The following SLC49A4 variants were observed in gnomAD, a reference collection of about 807,000 sequenced individuals.
The protein encoded by SLC49A4 is solute carrier family 49 member 4, also known as disrupted in renal cancer protein 2.
A neutral mutation model predicts 50.6 loss-of-function variants in SLC49A4; 36 were observed. That is an observed-to-expected ratio of 0.71 (90% CI 0.55 to 0.94). The LOEUF is 0.94. Among genes scored for constraint, SLC49A4 ranks in the 40% least tolerant of loss-of-function variants. The pLI is 0.00. For missense variants in SLC49A4, 503 were observed against 605.7 expected (o/e 0.83, Z 1.78); for synonymous variants, 248 against 241.2 (o/e 1.03, Z -0.26).
intron 7 of SLC49A4, among the ~76,000 whole-genome samples, chr3:122,862,353 A>T (rs563231307): frequency 6.6e-6 from 1 of 152,196 alleles, no homozygotes; most frequent in Non-Finnish European, 1.5e-5. Flanking sequence ...CCTGTTCTAC[A>T]CCATCCTGCC....
rs1937322383 is a variant in SLC49A4 at position 122,880,433 on chromosome 3, A to C, written c.*1055A>C. 1 of 152,256 alleles carries C rather than the reference A, an allele frequency of 6.6e-6. No individual in the cohort carries two copies. Among genetic ancestry groups the C allele is most frequent in the African/African-American group, 2.4e-5 (1 of 41,444 alleles). The allele number at this position is 152,256 out of a possible 1,614,324, so 9.4% of individuals were successfully genotyped here. A position where few individuals can be genotyped will look rare whatever the true frequency, so the allele number is the denominator to read the frequency against. Reference sequence around the variant, plus strand: ...TTGCCAGTACCTATCTTCTTTCTACAGAAGATAGCTTTTTAAGAAATAAGA... The same window carrying C: ...TTGCCAGTACCTATCTTCTTTCTACCGAAGATAGCTTTTTAAGAAATAAGA... On this transcript the variant is annotated 3_prime_UTR_variant, in exon 9 of 9. Coordinates refer to ENST00000261038, the MANE Select transcript of SLC49A4 (RefSeq NM_032839.3).
intron 7 of SLC49A4, among the ~76,000 whole-genome samples, chr3:122,871,164 T>C (rs567997359): frequency 6.6e-6 from 1 of 152,354 alleles, no homozygotes; most frequent in South Asian, 2.1e-4. Context: ...TCTTTTGTTA[T>C]CTATTTCCAT....
intron 2 of SLC49A4, among the ~76,000 whole-genome samples, chr3:122,817,089 TAAAC>T (rs1230282843): frequency 2.0e-5 from 3 of 152,172 alleles, no homozygotes; most frequent in East Asian, 1.9e-4. Flanking sequence ...TAAATTCAAA[TAAAC>T]AAAATGGTTA....
intron 3 of SLC49A4, among the ~76,000 whole-genome samples, chr3:122,831,384 G>C (rs1285506010): frequency 6.6e-6 from 1 of 152,110 alleles, no homozygotes; most frequent in African/African-American, 2.4e-5. Context: ...CTACTGATAA[G>C]TGGATGAACA....
intron 2 of SLC49A4, among the ~76,000 whole-genome samples, chr3:122,824,090 C>T (rs1936490855): frequency 6.6e-6 from 1 of 152,178 alleles, no homozygotes; most frequent in African/African-American, 2.4e-5. Context: ...CAGAGGATAA[C>T]TAGTTCTCCT....
intron 7 of SLC49A4, among the ~76,000 whole-genome samples, chr3:122,870,086 TTGTC>T (rs1464249830): frequency 1.3e-5 from 2 of 152,340 alleles, no homozygotes; most frequent in Admixed American, 1.3e-4. Flanking sequence ...ACATTTTAAT[TTGTC>T]TGATTACAAA....
intron 2 of SLC49A4, among the ~76,000 whole-genome samples, chr3:122,823,010 G>C (rs758889366): frequency 1.3e-5 from 2 of 152,134 alleles, no homozygotes; most frequent in Non-Finnish European, 2.9e-5. Context: ...CCATGCCATA[G>C]AGTCCCTGTC....
At position 122,840,604 on chromosome 3, in the gene SLC49A4, A is replaced by C. The variant is rs114489862; in HGVS notation, c.834-5159A>C. ...ATTTTAACATGTAATCAATATTAAA[A>C]CTTATTAATGAGATATGTTATTCAT... On this transcript the variant is annotated intron_variant, in intron 4 of 8. Coordinates refer to ENST00000261038, the MANE Select transcript of SLC49A4 (RefSeq NM_032839.3). Among the ~76,000 whole-genome samples the C allele has an allele frequency of 7.4e-3, 1,127 of 152,244 alleles. 13 individuals are homozygous for C. The highest frequency in any genetic ancestry group is 0.026 in the African/African-American group (1,065 of 41,552).
chr3:122,795,104 C>T lies in SLC49A4; in HGVS notation c.-89C>T, dbSNP rs1487053557. ...CCGAGGGCGACCACAGCAGCCTCCG[C>T]CTCCTGCTGCTCAGGACTATTCTGC... On this transcript the variant is annotated 5_prime_UTR_variant, in exon 1 of 9. Transcript: ENST00000261038. 8 of 1,220,746 alleles carry T rather than the reference C, an allele frequency of 6.6e-6. No individual in the cohort carries two copies. Among genetic ancestry groups the T allele is most frequent in the African/African-American group, 4.7e-5 (3 of 63,724 alleles). The allele number at this position is 1,220,746 out of a possible 1,614,324, so 75.6% of individuals were successfully genotyped here.
Position 122,826,675 on chromosome 3 carries a change from G to A in SLC49A4, c.438-125G>A, listed in dbSNP as rs1936532805. On this transcript the variant is annotated intron_variant, in intron 2 of 8. Transcript: ENST00000261038. ...GTAAATCAACATGTCTTTTAGGCAT[G>A]TCATATTCTTTACAGATATGTATAC... The A allele has an allele frequency of 1.5e-5, 14 of 939,374 alleles. No homozygotes were observed. The South Asian group carries it at 2.3e-4, about 15-fold the overall frequency. 58.2% of individuals were successfully genotyped at this position (939,374 alleles called of 1,614,324 possible). A position where few individuals can be genotyped will look rare whatever the true frequency, so the allele number is the denominator to read the frequency against.
At chr3:122,873,727 T>A (rs1162605871) in intron 8 of SLC49A4, among the ~76,000 whole-genome samples, 2 of 152,200 alleles carry the variant, frequency 1.3e-5, no homozygotes, top group African/African-American at 2.4e-5. Flanking sequence ...CCACTCTTTG[T>A]TGTCCTGGAA....
At chr3:122,826,270 G>A (rs765868614) in intron 2 of SLC49A4, among the ~76,000 whole-genome samples, 5 of 152,176 alleles carry the variant, frequency 3.3e-5, no homozygotes, top group Non-Finnish European at 5.9e-5. Flanking sequence ...GGCAAAGAGT[G>A]GGTATGAAAT....
chr3:122,823,129 A>G (rs1936476813), intron 2 of SLC49A4, among the ~76,000 whole-genome samples: 1 of 151,996 alleles, frequency 6.6e-6, no homozygotes, highest in Admixed American at 6.6e-5. Context: ...CCTGCCCTCT[A>G]CCCTCTAGTC....
chr3:122,799,795 T>C (rs555163182), intron 1 of SLC49A4, among the ~76,000 whole-genome samples: 91 of 152,326 alleles, frequency 6.0e-4, no homozygotes, highest in African/African-American at 2.1e-3. Context: ...CGAAAGTAGA[T>C]TCACCAGTAT....
intron 5 of SLC49A4, among the ~76,000 whole-genome samples, chr3:122,851,468 GA>G (rs1214550687): frequency 2.0e-5 from 3 of 151,352 alleles, no homozygotes; most frequent in Admixed American, 6.6e-5. Context: ...TTGGTTCTTT[GA>G]AAAAAAAGAT....
At chr3:122,839,114 G>A (rs979042535) in intron 4 of SLC49A4, among the ~76,000 whole-genome samples, 1 of 151,988 alleles carries the variant, frequency 6.6e-6, no homozygotes, top group Non-Finnish European at 1.5e-5. Context: ...CTAATCTTCA[G>A]CAAAGCATAC....
At chr3:122,819,509 A>AG (rs1251922326) in intron 2 of SLC49A4, among the ~76,000 whole-genome samples, 5 of 152,190 alleles carry the variant, frequency 3.3e-5, no homozygotes, top group Admixed American at 2.6e-4. Context: ...GCCTAGCTGC[A>AG]GGTGCCTTGA....
chr3:122,835,265 C>G (rs1936663565), intron 4 of SLC49A4, among the ~76,000 whole-genome samples: 1 of 152,100 alleles, frequency 6.6e-6, no homozygotes, highest in Admixed American at 6.6e-5. Context: ...TCCTCCCTAA[C>G]TCATTCTATG....
In SLC49A4 at chr3:122,837,243, C is replaced by T. The variant is rs531136669; in HGVS notation, c.833+3797C>T. ...GTTCATATGGAACCAAAAAAGAGCC[C>T]GCAATGCCCAGTCAATTCTAAGCCA... On this transcript the variant is annotated intron_variant, in intron 4 of 8. Transcript: ENST00000261038. 1.5e-3 allele frequency among the ~76,000 whole-genome samples: 231 copies of T among 152,192 alleles called. 1 individual carries two copies. Among genetic ancestry groups the T allele is most frequent in the African/African-American group, 5.3e-3 (219 of 41,512 alleles).
Sources: gnomAD v4.1 joint callset for allele counts (sites outside exome capture counted in the v4.1 genomes callset) on GRCh38, gnomAD v4.1.1 for gene constraint, MANE v1.5 for transcripts, NCBI Gene and HGNC (gene_info 2026-07-23, HGNC 2026-07-21) for gene names.